Variants in PRMT7 observed in about 807,000 individuals in gnomAD.
PRMT7 encodes protein arginine methyltransferase 7, also known as protein arginine N-methyltransferase 7.
PRMT7 carries 75 observed loss-of-function variants against 85.4 expected under a neutral mutation model. The observed-to-expected ratio is 0.88, with a 90% CI of 0.73 to 1.06. The LOEUF is 1.06. Among genes scored for constraint, PRMT7 ranks in the 50% least tolerant of loss-of-function variants. PRMT7 has a pLI of 0.00. For missense variants in PRMT7, 868 were observed against 915.2 expected (o/e 0.95, Z 0.67); for synonymous variants, 397 against 359.5 (o/e 1.10, Z -1.18).
chr16:68,347,626 T>C lies in PRMT7; in HGVS notation c.1276-5T>C, dbSNP rs913031739. The C allele has an allele frequency of 6.2e-6, 10 of 1,613,104 alleles. No individual in the cohort carries two copies. The highest frequency in any genetic ancestry group is 1.7e-5 in the Admixed American group (1 of 60,018). ...TTACAACTAATAGCGTGGTGTTCCC[T>C]CTAGGTGTTTACAGTCGAGAGTTCA... On this transcript the variant is annotated splice_polypyrimidine_tract_variant and splice_region_variant and intron_variant, in intron 12 of 18. Transcript: ENST00000441236.
intron 3 of PRMT7, among the ~76,000 whole-genome samples, chr16:68,319,709 AGAGTGT>A (rs1404655540): frequency 2.4e-5 from 1 of 41,908 alleles, no homozygotes; most frequent in African/African-American, 1.1e-4. Context: ...AATAAGAGTG[AGAGTGT>A]GTGTGTGTGT....
chr16:68,355,824 C>T lies in PRMT7; in HGVS notation c.1752C>T (p.Asp584=). 1 of 1,610,816 alleles carries T rather than the reference C, an allele frequency of 6.2e-7. No individual in the cohort carries two copies. Among genetic ancestry groups the T allele is most frequent in the Non-Finnish European group, 8.5e-7 (1 of 1,179,452 alleles). The change falls in exon 17 of 19, where the codon GAC becomes GAT. Residue 584 remains aspartate (D), a synonymous_variant. Coordinates refer to ENST00000441236, the MANE Select transcript of PRMT7 (RefSeq NM_019023.5). The stretch of plus-strand genomic sequence containing the variant: ...AGCCCTGGCAGATCCTGACCTTTGA[C>T]TTCCAGCAGCCGGTGCCCCTGCAGC... ...LSEPWQILTF[D]FQQPVPLQPL... is the part of the protein sequence containing the mutation.
Position 68,347,626 on chromosome 16 carries a change from TC to T in PRMT7, c.1276-4del. 1.2e-6 allele frequency: 2 copies of T among 1,613,104 alleles called. No individual in the cohort carries two copies. Among genetic ancestry groups the T allele is most frequent in the Non-Finnish European group, 1.7e-6 (2 of 1,179,070 alleles). On this transcript the variant is annotated splice_region_variant and splice_polypyrimidine_tract_variant and intron_variant, in intron 12 of 18. Transcript: ENST00000441236. ...TTACAACTAATAGCGTGGTGTTCCC[TC>T]TAGGTGTTTACAGTCGAGAGTTCAG...
At chr16:68,319,711 AGTGTGTGTGTGT>A (rs369478826) in intron 3 of PRMT7, among the ~76,000 whole-genome samples, 14 of 141,544 alleles carry the variant, frequency 9.9e-5, no homozygotes, top group South Asian at 4.6e-4. Context: ...TAAGAGTGAG[AGTGTGTGTGTGT>A]GTGTGTGTGT....
intron 2 of PRMT7, among the ~76,000 whole-genome samples, chr16:68,313,609 T>A (rs1274664788): frequency 6.6e-6 from 1 of 152,242 alleles, no homozygotes; most frequent in Admixed American, 6.5e-5. Flanking sequence ...TATGGCCATT[T>A]CTTTCTCTAC....
rs1383392976 is a variant in PRMT7, at chr16:68,352,112, CTGAG to C, written c.1414-131_1414-128del. The C allele has an allele frequency of 1.2e-5, 10 of 867,620 alleles. No homozygotes were observed. In the Admixed American group the frequency reaches 1.2e-4, roughly 11 times the overall value. The allele number at this position is 867,620 out of a possible 1,614,324, so 53.7% of individuals were successfully genotyped here. A position where few individuals can be genotyped will look rare whatever the true frequency, so the allele number is the denominator to read the frequency against. On this transcript the variant is annotated intron_variant, in intron 14 of 18. Coordinates refer to ENST00000441236, the MANE Select transcript of PRMT7 (RefSeq NM_019023.5). ...AGGGAGGGAGGGAATGAGTGAGTGA[CTGAG>C]TGAGGGAGGGAGAGGGAGGGAGTGA...
rs1015001881 is a variant in PRMT7 at position 68,355,797 on chromosome 16, C to T, written c.1725C>T (p.Ser575=). 40 of 1,611,632 alleles carry T rather than the reference C, an allele frequency of 2.5e-5. No homozygotes were observed. Among genetic ancestry groups the T allele is most frequent in the African/African-American group, 4.0e-5 (3 of 74,894 alleles). The part of the protein sequence containing the change: ...PLWEYPCRSL[S]EPWQILTFDF... The stretch of plus-strand genomic sequence containing the variant: ...GGGAGTACCCATGCCGCAGCCTCTC[C>T]GAGCCCTGGCAGATCCTGACCTTTG... Residue 575 remains serine (S), a synonymous_variant, in exon 17 of 19, where the codon TCC becomes TCT. Transcript: ENST00000441236.
At chr16:68,353,266 G>A (rs997928921) in intron 15 of PRMT7, 1 of 876,516 alleles carries the variant, frequency 1.1e-6, no homozygotes, top group Non-Finnish European at 1.6e-6. Flanking sequence ...CTGGCCGACT[G>A]TCCCTTATAG....
intron 2 of PRMT7, among the ~76,000 whole-genome samples, chr16:68,314,432 A>G (rs2044407678): frequency 6.6e-6 from 1 of 152,202 alleles, no homozygotes; most frequent in Non-Finnish European, 1.5e-5. Flanking sequence ...GGGTTTCGCC[A>G]TGTTGGCAAG....
chr16:68,345,539 C>T (rs1196151126), intron 9 of PRMT7, 136 bp from the exon 10 acceptor site: 1 of 1,305,884 alleles, frequency 7.7e-7, no homozygotes, highest in Non-Finnish European at 1.1e-6. Context: ...TTATTTATCT[C>T]CTTGGCCACA....
At position 68,346,252 on chromosome 16, in the gene PRMT7, C is replaced by G; in HGVS notation, c.1163C>G (p.Thr388Ser). 6.2e-7 allele frequency: 1 copy of G among 1,614,252 alleles called. No homozygotes were observed. Among genetic ancestry groups the G allele is most frequent in the Admixed American group, 1.7e-5 (1 of 60,028 alleles). The change falls in exon 11 of 19, where the codon ACT (threonine) becomes AGT (serine). Residue 388 changes from threonine (T) to serine (S), a missense_variant. By Grantham distance (58) the Thr-to-Ser change is moderately conservative (BLOSUM62 1). Coordinates refer to ENST00000441236, the MANE Select transcript of PRMT7 (RefSeq NM_019023.5). ...GGAGAGATCAATGACCAGGACAGAA[C>G]TGATCGATACGTCCAGGCTCTGAGG... ...RFGEINDQDR[T>S]DRYVQALRTV...
rs771646295 is a variant in PRMT7 at position 68,335,780 on chromosome 16, CTTTTTTT to C, written c.392-1669_392-1663del. ...TGCTCTTCTATCAGCTGCTCTCTTT[CTTTTTTT>C]TTTTTTTTTGAAATGGAGTCTCACT... is the stretch of plus-strand genomic sequence containing the variant. On this transcript the variant is annotated intron_variant, in intron 6 of 18. Transcript: ENST00000441236. 2.9e-5 allele frequency among the ~76,000 whole-genome samples: 4 copies of C among 138,026 alleles called. No individual in the cohort carries two copies. In the East Asian group the frequency reaches 8.3e-4, roughly 29 times the overall value. 90.6% of individuals were successfully genotyped at this position (138,026 alleles called of 152,430 possible). A position where few individuals can be genotyped will look rare whatever the true frequency, so the allele number is the denominator to read the frequency against.
intron 17 of PRMT7, among the ~76,000 whole-genome samples, chr16:68,356,494 G>C (rs192859633): frequency 6.6e-6 from 1 of 152,244 alleles, no homozygotes; most frequent in African/African-American, 2.4e-5. Context: ...TGCAGGGCTC[G>C]GGTTGGCTCA....
chr16:68,319,755 A>C (rs1363487923), intron 3 of PRMT7, among the ~76,000 whole-genome samples: 1 of 47,564 alleles, frequency 2.1e-5, no homozygotes. Flanking sequence ...GGGACTCTGC[A>C]TTTCAGGTAA....
intron 2 of PRMT7, chr16:68,315,512 A>G (rs1020030966): frequency 5.5e-6 from 1 of 180,468 alleles, no homozygotes; most frequent in African/African-American, 2.4e-5. Flanking sequence ...GGTTCAGCAT[A>G]CGAAGGCAGT....
In PRMT7 at chr16:68,324,747, C is replaced by A. The variant is rs2082902646; in HGVS notation, c.197C>A (p.Ala66Asp). Reference sequence around the variant, plus strand: ...AGGGTGAAGGACAGAGGACAGAAGGCCTTGGTTCTCGACATTGGCACTGGC... The same window carrying A: ...AGGGTGAAGGACAGAGGACAGAAGGACTTGGTTCTCGACATTGGCACTGGC... ...VSRVKDRGQK[A>D]LVLDIGTGTG... Residue 66 changes from alanine to aspartate, a missense_variant, in exon 5 of 19, where the codon GCC becomes GAC. Coordinates refer to ENST00000441236, the MANE Select transcript of PRMT7 (RefSeq NM_019023.5). 4 of 1,613,946 alleles carry A rather than the reference C, an allele frequency of 2.5e-6. No individual in the cohort carries two copies. The highest frequency in any genetic ancestry group is 3.4e-6 in the Non-Finnish European group (4 of 1,179,964).
At chr16:68,341,257 A>C (rs1463614899) in intron 9 of PRMT7, among the ~76,000 whole-genome samples, 1 of 152,184 alleles carries the variant, frequency 6.6e-6, no homozygotes, top group Non-Finnish European at 1.5e-5. Flanking sequence ...GAATTGCCTG[A>C]TGGGTTCTTC....
intron 2 of PRMT7, among the ~76,000 whole-genome samples, chr16:68,313,377 A>G (rs991920175): frequency 1.3e-5 from 2 of 152,232 alleles, no homozygotes; most frequent in African/African-American, 4.8e-5. Flanking sequence ...AATTGATTCC[A>G]CATGGACCAC....
At chr16:68,346,067 C>A in intron 10 of PRMT7, 78 bp from the exon 11 acceptor site, 2 of 1,591,888 alleles carry the variant, frequency 1.3e-6, no homozygotes, top group East Asian at 2.2e-5. Flanking sequence ...TACTGGAGAC[C>A]AGTGTCCAGA....
Sources: allele counts gnomAD v4.1 joint callset (sites outside exome capture counted in the v4.1 genomes callset), GRCh38; gene constraint gnomAD v4.1.1; transcripts MANE v1.5; gene names NCBI Gene and HGNC (gene_info 2026-07-23, HGNC 2026-07-21).